The following IKZF1 variants were observed in gnomAD, a reference collection of about 807,000 sequenced individuals.
The protein encoded by IKZF1 is IKAROS family zinc finger 1, also known as DNA-binding protein Ikaros.
A neutral mutation model predicts 51.7 loss-of-function variants in IKZF1; 10 were observed. That is an observed-to-expected ratio of 0.19 (90% CI 0.12 to 0.33). IKZF1 has a LOEUF of 0.33. IKZF1 is among the 10% of genes least tolerant of loss of function. The pLI is 1.00. For synonymous variants in IKZF1, 280 were observed against 282.3 expected, an observed-to-expected ratio of 0.99 and a Z score of 0.08; for missense variants, 484 against 707.5, an observed-to-expected ratio of 0.68 and a Z score of 3.58.
Position 50,400,637 on chromosome 7 carries a change from G to A in IKZF1, c.*10G>A, listed in dbSNP as rs2153520021. 6.3e-7 allele frequency: 1 copy of A among 1,599,618 alleles called. No individual in the cohort carries two copies. Among genetic ancestry groups the A allele is most frequent in the Middle Eastern group, 1.7e-4 (1 of 6,024 alleles). On this transcript the variant is annotated 3_prime_UTR_variant, in exon 8 of 8. Transcript: ENST00000331340. This position sits in a 1 kb window ranked among gnomAD's most constrained non-coding sequence, Gnocchi z 5.4. ...CTTCCACATGAGCTAAAGCCCTCCCGCGCCCCCACCCCAGACCCCGAGCCA... is the reference window on the plus strand; with the variant it reads ...CTTCCACATGAGCTAAAGCCCTCCCACGCCCCCACCCCAGACCCCGAGCCA...
chr7:50,320,213 T>C (rs1341691136), intron 2 of IKZF1, among the ~76,000 whole-genome samples: 1 of 152,234 alleles, frequency 6.6e-6, no homozygotes, highest in African/African-American at 2.4e-5. Context: ...CATTTATATC[T>C]TAAATATAAT....
In IKZF1 at chr7:50,401,345, G is replaced by A. The variant is rs945950759; in HGVS notation, c.*718G>A. ...ATCGTCCTGGATTCACTGGCTTTGC[G>A]GAGGCTGCTCAGATGGCCTGAGCCT... On this transcript the variant is annotated 3_prime_UTR_variant, in exon 8 of 8. Transcript: ENST00000331340. 7 of 229,644 alleles carry A rather than the reference G, an allele frequency of 3.0e-5. No homozygotes were observed. Among genetic ancestry groups the A allele is most frequent in the East Asian group, 1.2e-4 (2 of 16,364 alleles). 14.2% of individuals were successfully genotyped at this position (229,644 alleles called of 1,614,324 possible). A position where few individuals can be genotyped will look rare whatever the true frequency, so the allele number is the denominator to read the frequency against.
intron 3 of IKZF1, among the ~76,000 whole-genome samples, chr7:50,363,889 C>T (rs75466313): frequency 0.03 from 4,565 of 152,166 alleles, 227 homozygotes; most frequent in African/African-American, 0.1. Context: ...GCTCAGTCAC[C>T]GGGTCAGGAA....
intron 3 of IKZF1, among the ~76,000 whole-genome samples, chr7:50,336,972 C>A (rs964089308): frequency 1.3e-5 from 2 of 152,038 alleles, no homozygotes; most frequent in African/African-American, 4.8e-5. Context: ...TTGTGTGATT[C>A]GGGTAAAATT....
chr7:50,307,915 T>C (rs1009205426), intron 1 of IKZF1, among the ~76,000 whole-genome samples: 4 of 152,210 alleles, frequency 2.6e-5, no homozygotes, highest in African/African-American at 9.7e-5. Context: ...CTGTTTTTAC[T>C]GTAGTGCTGA....
intron 3 of IKZF1, among the ~76,000 whole-genome samples, chr7:50,355,627 A>AAATC (rs143837007): frequency 4.9e-5 from 7 of 142,766 alleles, no homozygotes; most frequent in African/African-American, 1.8e-4. Context: ...GCGAATAAAT[A>AAATC]AATAAATAAA....
At chr7:50,366,182 A>G (rs762530885) in intron 3 of IKZF1, among the ~76,000 whole-genome samples, 2 of 152,128 alleles carry the variant, frequency 1.3e-5, no homozygotes, top group African/African-American at 4.8e-5. Context: ...TGACAAAACA[A>G]TCTGTATAAC....
chr7:50,364,080 G>A (rs933806804), intron 3 of IKZF1, among the ~76,000 whole-genome samples: 1 of 152,168 alleles, frequency 6.6e-6, no homozygotes, highest in Non-Finnish European at 1.5e-5. Flanking sequence ...AAATCTGAAT[G>A]TGTTTACCTT....
chr7:50,371,328 G>A (rs1371477600), intron 3 of IKZF1, among the ~76,000 whole-genome samples: 1 of 152,190 alleles, frequency 6.6e-6, no homozygotes, highest in Non-Finnish European at 1.5e-5. Flanking sequence ...TTCTTCAGGA[G>A]GATGGATTTC....
chr7:50,335,332 TATGGGAGGTGTGTTG>T (rs1797416078), intron 3 of IKZF1, among the ~76,000 whole-genome samples: 1 of 148,762 alleles, frequency 6.7e-6, no homozygotes, highest in African/African-American at 2.5e-5. Flanking sequence ...TGTATGTGTG[TATGGGAGGTGTGTTG>T]TGTATGTGTG....
intron 3 of IKZF1, among the ~76,000 whole-genome samples, chr7:50,375,026 G>T (rs1727367522): frequency 1.3e-5 from 2 of 151,850 alleles, no homozygotes; most frequent in Admixed American, 1.3e-4. Flanking sequence ...CTGCAACTCT[G>T]GGTTGAGCCT....
At position 50,400,187 on chromosome 7, in the gene IKZF1, C is replaced by G. The variant is rs2153518476; in HGVS notation, c.1120C>G (p.Leu374Val). The change falls in exon 8 of 8, where the codon CTG becomes GTG. Residue 374 changes from leucine to valine, a missense_variant. Leu to Val is a conservative substitution (Grantham distance 32). Transcript: ENST00000331340. This position sits in a 1 kb window ranked among gnomAD's most constrained non-coding sequence, Gnocchi z 5.4. The stretch of plus-strand genomic sequence containing the variant: ...CCAGGACAGCGCCGTGGAGAACCTG[C>G]TGCTGCTCTCCAAGGCCAAGTTGGT... ...SAQDSAVENL[L>V]LLSKAKLVPS... 1 of 1,572,490 alleles carries G rather than the reference C, an allele frequency of 6.4e-7. No homozygotes were observed. Among genetic ancestry groups the G allele is most frequent in the South Asian group, 1.2e-5 (1 of 86,348 alleles).
rs752890559 is a variant in IKZF1, at chr7:50,382,528, T to C, written c.422-12T>C. On this transcript the variant is annotated splice_polypyrimidine_tract_variant and intron_variant, in intron 4 of 7. Transcript: ENST00000331340. ...AGTTTAGTTCTCACCAGCTCTCCTC[T>C]CTCCGTCCCAGGAGAACGGCCCTTC... 1 of 1,609,530 alleles carries C rather than the reference T, an allele frequency of 6.2e-7. No homozygotes were observed. Among genetic ancestry groups the C allele is most frequent in the Admixed American group, 1.7e-5 (1 of 59,840 alleles).
rs535094491 is a variant in IKZF1 at position 50,353,437 on chromosome 7, A to G, written c.161-23096A>G. ...TGGCCCCTCCTTTCTTGTTTCTGCA[A>G]TGGATGTTGTGGCCCTGTGAGGGAG... On this transcript the variant is annotated intron_variant, in intron 3 of 7. Transcript: ENST00000331340. Among the ~76,000 whole-genome samples, 10 of 152,292 alleles carry G rather than the reference A, an allele frequency of 6.6e-5. No homozygotes were observed. In the South Asian group the frequency reaches 1.9e-3, roughly 28 times the overall value.
chr7:50,378,225 T>C (rs181032966), intron 4 of IKZF1, among the ~76,000 whole-genome samples: 20 of 152,326 alleles, frequency 1.3e-4, no homozygotes, highest in African/African-American at 4.6e-4. Context: ...TTGATATCAA[T>C]AGATATCCAT....
At chr7:50,316,598 T>G (rs1238766173) in intron 1 of IKZF1, among the ~76,000 whole-genome samples, 3 of 152,226 alleles carry the variant, frequency 2.0e-5, no homozygotes, top group Non-Finnish European at 4.4e-5. Context: ...GGGGACTGTT[T>G]GCAAATGACT....
intron 3 of IKZF1, chr7:50,369,482 TA>T (rs1174241035): frequency 5.0e-6 from 2 of 398,456 alleles, no homozygotes; most frequent in Non-Finnish European, 8.8e-6. Context: ...AATGTGTCCA[TA>T]AGGTATTGGT....
At chr7:50,396,237 GT>G (rs1188574496) in intron 7 of IKZF1, among the ~76,000 whole-genome samples, 4 of 151,982 alleles carry the variant, frequency 2.6e-5, no homozygotes, top group East Asian at 3.8e-4. Flanking sequence ...AGTTCTTAAA[GT>G]TTTTTGTTTA....
In IKZF1 at chr7:50,402,388, A is replaced by G. The variant is rs1196923250; in HGVS notation, c.*1761A>G. The stretch of plus-strand genomic sequence containing the variant: ...GAGCTCTCCTGTGCATTGTAGGATA[A>G]TTAGCAGTATCCCTGGTGGCTACCC... On this transcript the variant is annotated 3_prime_UTR_variant, in exon 8 of 8. Coordinates refer to ENST00000331340, the MANE Select transcript of IKZF1 (RefSeq NM_006060.6). 5 of 230,448 alleles carry G rather than the reference A, an allele frequency of 2.2e-5. No homozygotes were observed. In the East Asian group the frequency reaches 3.1e-4, roughly 14 times the overall value. The allele number at this position is 230,448 out of a possible 1,614,324, so 14.3% of individuals were successfully genotyped here.
Sources: gnomAD v4.1 joint callset for allele counts (sites outside exome capture counted in the v4.1 genomes callset) on GRCh38, gnomAD v4.1.1 for gene constraint, Gnocchi (gnomAD v3.1) non-coding constraint, MANE v1.5 for transcripts, NCBI Gene and HGNC (gene_info 2026-07-23, HGNC 2026-07-21) for gene names.